RAB27A: variants seen among roughly 807,000 people sequenced by gnomAD.
RAB27A encodes RAB27A, member RAS oncogene family, also known as ras-related protein Rab-27A.
Under a neutral mutation model 20.8 loss-of-function variants are expected in RAB27A, and 17 were observed. The ratio of observed to expected loss-of-function variants is 0.82; its 90% CI spans 0.56 to 1.23. The LOEUF is 1.23. RAB27A is among the 50% of genes most tolerant of loss of function. The pLI, the probability that RAB27A is intolerant of heterozygous loss-of-function variation, is 0.00. For missense variants in RAB27A, 277 were observed against 266.7 expected, an observed-to-expected ratio of 1.04 and a Z score of -0.27; for synonymous variants, 85 against 92.8, an observed-to-expected ratio of 0.92 and a Z score of 0.48.
In RAB27A at chr15:55,210,038, G is replaced by A. The variant is rs530297138; in HGVS notation, c.468-4333C>T. On this transcript the variant is annotated intron_variant, in intron 6 of 6. Transcript: ENST00000336787. ...CATATATACGCATATATATGTGTGTGTACATGTACATATATACACATATGT... is the reference window on the plus strand; with the variant it reads ...CATATATACGCATATATATGTGTGTATACATGTACATATATACACATATGT... Among the ~76,000 whole-genome samples the A allele has an allele frequency of 1.4e-3, 193 of 141,054 alleles. 4 individuals are homozygous for A. Among genetic ancestry groups the A allele is most frequent in the South Asian group, 6.7e-3 (30 of 4,500 alleles). The allele number at this position is 141,054 out of a possible 152,430, so 92.5% of individuals were successfully genotyped here. A position where few individuals can be genotyped will look rare whatever the true frequency, so the allele number is the denominator to read the frequency against.
chr15:55,288,359 A>G (rs1180446801), intron 1 of RAB27A, among the ~76,000 whole-genome samples: 1 of 152,028 alleles, frequency 6.6e-6, no homozygotes, highest in African/African-American at 2.4e-5. Flanking sequence ...CGCCTCTACT[A>G]AAAATACAAA....
intron 5 of RAB27A, among the ~76,000 whole-genome samples, chr15:55,226,626 T>C (rs960665346): frequency 2.2e-4 from 34 of 152,164 alleles, no homozygotes; most frequent in African/African-American, 7.9e-4. Flanking sequence ...TCCCAGCACT[T>C]TGGGAGGCTG....
At chr15:55,294,529 A>G (rs1334241391), upstream of RAB27A, among the ~76,000 whole-genome samples, 2 of 141,564 alleles carry the variant, frequency 1.4e-5, no homozygotes, top group Non-Finnish European at 3.0e-5. Flanking sequence ...CGGAGGTTGC[A>G]GTGAGCCAAG....
At chr15:55,308,417 G>A (rs1287982102) in intron 2 of RAB27A, among the ~76,000 whole-genome samples, 6 of 152,164 alleles carry the variant, frequency 3.9e-5, no homozygotes, top group East Asian at 1.9e-4. Context: ...TCTAGTGCCC[G>A]AGTGAGGACT....
chr15:55,305,925 A>G (rs1240931396), intron 2 of RAB27A, among the ~76,000 whole-genome samples: 1 of 152,210 alleles, frequency 6.6e-6, no homozygotes, highest in African/African-American at 2.4e-5. Context: ...TAACAAAAGG[A>G]AGAATGGGTA....
At chr15:55,279,133 C>T (rs1215253533) in intron 1 of RAB27A, among the ~76,000 whole-genome samples, 2 of 152,082 alleles carry the variant, frequency 1.3e-5, no homozygotes, top group Non-Finnish European at 2.9e-5. Context: ...CTCTAAGAAG[C>T]AGTAGAGACA....
chr15:55,299,274 C>T (rs1021304918), intron 2 of RAB27A, among the ~76,000 whole-genome samples: 2 of 152,162 alleles, frequency 1.3e-5, no homozygotes, highest in Non-Finnish European at 2.9e-5. Context: ...TGGCTTCAGC[C>T]GGTCCCTCCA....
intron 2 of RAB27A, among the ~76,000 whole-genome samples, chr15:55,246,735 G>A (rs1896701347): frequency 6.6e-6 from 1 of 151,858 alleles, no homozygotes; most frequent in Non-Finnish European, 1.5e-5. Flanking sequence ...GTCTCAGAAT[G>A]GACACAGCCA....
chr15:55,280,041 G>T (rs781501014), intron 1 of RAB27A, among the ~76,000 whole-genome samples: 6 of 152,268 alleles, frequency 3.9e-5, no homozygotes, highest in Admixed American at 6.5e-5. Flanking sequence ...ATGTTCCCAG[G>T]TGGTGCTGAT....
intron 1 of RAB27A, among the ~76,000 whole-genome samples, chr15:55,271,730 G>T (rs371978069): frequency 2.0e-5 from 3 of 152,124 alleles, no homozygotes; most frequent in East Asian, 3.8e-4. Context: ...ATGAATTATT[G>T]GGTGAAATGT....
At chr15:55,275,435 T>C (rs1897837759) in intron 1 of RAB27A, among the ~76,000 whole-genome samples, 1 of 152,044 alleles carries the variant, frequency 6.6e-6, no homozygotes. Context: ...GAAACCAGCC[T>C]GACCAACATG....
chr15:55,271,102 C>G (rs1897692326), intron 1 of RAB27A, among the ~76,000 whole-genome samples: 1 of 152,142 alleles, frequency 6.6e-6, no homozygotes. Context: ...CCCACGTATT[C>G]TTGACTCTGA....
chr15:55,224,405 G>GT (rs921761824), intron 5 of RAB27A, among the ~76,000 whole-genome samples: 1 of 152,202 alleles, frequency 6.6e-6, no homozygotes, highest in Admixed American at 6.5e-5. Context: ...GTTTTTATGT[G>GT]TTTTTTTCTC....
intron 1 of RAB27A, among the ~76,000 whole-genome samples, chr15:55,287,701 C>T (rs1425544347): frequency 1.3e-5 from 2 of 151,490 alleles, no homozygotes; most frequent in African/African-American, 4.9e-5. Context: ...GAGCTGAGAT[C>T]GTGCCATTGC....
intron 2 of RAB27A, among the ~76,000 whole-genome samples, chr15:55,265,419 G>A (rs1238175282): frequency 6.6e-6 from 1 of 152,134 alleles, no homozygotes; most frequent in African/African-American, 2.4e-5. Context: ...CAGAATGTGA[G>A]TGTACAGGCA....
At chr15:55,206,771 G>A (rs1894671609) in intron 6 of RAB27A, among the ~76,000 whole-genome samples, 1 of 152,014 alleles carries the variant, frequency 6.6e-6, no homozygotes, top group Admixed American at 6.6e-5. Context: ...GAATAAGAAA[G>A]GATTTCTTAA....
chr15:55,264,934 G>T (rs1897407891), intron 2 of RAB27A, among the ~76,000 whole-genome samples: 1 of 152,136 alleles, frequency 6.6e-6, no homozygotes, highest in African/African-American at 2.4e-5. Flanking sequence ...AATGCCCAAG[G>T]AAAATGCATG....
chr15:55,209,859 T>C (rs1025681308), intron 6 of RAB27A, among the ~76,000 whole-genome samples: 6 of 31,742 alleles, frequency 1.9e-4, no homozygotes, highest in Admixed American at 9.3e-4. Context: ...TATGTGTGTA[T>C]ATACATATAT....
chr15:55,208,813 G>A (rs1357559496), intron 6 of RAB27A, among the ~76,000 whole-genome samples: 1 of 152,186 alleles, frequency 6.6e-6, no homozygotes, highest in Non-Finnish European at 1.5e-5. Context: ...CCTCTCTTAA[G>A]TAGCATGTCC....
Sources: allele counts gnomAD v4.1 joint callset (sites outside exome capture counted in the v4.1 genomes callset), GRCh38; gene constraint gnomAD v4.1.1; transcripts MANE v1.5; gene names NCBI Gene and HGNC (gene_info 2026-07-23, HGNC 2026-07-21).